LIMA1: variants seen among roughly 807,000 people sequenced by gnomAD.
The protein encoded by LIMA1 is LIM domain and actin-binding protein 1.
In LIMA1, 52 loss-of-function variants were observed where a neutral mutation model predicts 62.6. The ratio of observed to expected loss-of-function variants is 0.83; its 90% confidence interval spans 0.67 to 1.05. LIMA1 has a LOEUF of 1.05. LIMA1 is among the 50% of genes least tolerant of loss of function. LIMA1 has a pLI of 0.00. For missense variants in LIMA1, 780 were observed against 902.2 expected, an observed-to-expected ratio of 0.86 and a Z score of 1.74; for synonymous variants, 302 against 317.8, an observed-to-expected ratio of 0.95 and a Z score of 0.53.
chr12:50,189,967 C>G (rs1209323173), intron 9 of LIMA1: 3 of 151,064 alleles, frequency 2.0e-5, no homozygotes, highest in African/African-American at 7.3e-5. Flanking sequence ...GCCTTGGCCT[C>G]CCAAAGTGCT....
At chr12:50,256,738 G>T (rs994604900) in intron 1 of LIMA1, among the ~76,000 whole-genome samples, 5 of 152,140 alleles carry the variant, frequency 3.3e-5, no homozygotes, top group Non-Finnish European at 5.9e-5. Flanking sequence ...TGGAGAAGCG[G>T]TTGATTCCAG....
At chr12:50,183,540 G>A (rs1256199867) in intron 9 of LIMA1, among the ~76,000 whole-genome samples, 3 of 152,104 alleles carry the variant, frequency 2.0e-5, no homozygotes, top group Non-Finnish European at 2.9e-5. Context: ...TAGGCTGGGT[G>A]TAGTGTCTCA....
chr12:50,190,659 C>T (rs573942736), intron 9 of LIMA1, among the ~76,000 whole-genome samples: 2 of 131,120 alleles, frequency 1.5e-5, no homozygotes, highest in African/African-American at 2.9e-5. Context: ...GGATTACAGG[C>T]GTGAGCCACC....
intron 4 of LIMA1, among the ~76,000 whole-genome samples, chr12:50,214,024 CCA>C (rs10632810): frequency 3.4e-4 from 35 of 104,466 alleles, no homozygotes; most frequent in Non-Finnish European, 5.7e-4. Context: ...TATTATCTTA[CCA>C]CACACACACA....
chr12:50,183,975 T>G (rs561995356), intron 9 of LIMA1, among the ~76,000 whole-genome samples: 1 of 151,864 alleles, frequency 6.6e-6, no homozygotes, highest in East Asian at 1.9e-4. Flanking sequence ...AAAATGAAAA[T>G]AAAGAAATCT....
At position 50,254,009 on chromosome 12, in the gene LIMA1, C is replaced by T. The variant is rs1395903932; in HGVS notation, c.-23-5235G>A. On this transcript the variant is annotated intron_variant, in intron 1 of 10. Transcript: ENST00000341247. ...TGCCATTGCACTCCAGCCTGGGCGA[C>T]AGAGCGAGACTCTGTCTCAAAAAAA... 4.1e-5 allele frequency among the ~76,000 whole-genome samples: 5 copies of T among 122,070 alleles called. No homozygotes were observed. In the East Asian group the frequency reaches 1.2e-3, roughly 30 times the overall value. 80.1% of individuals were successfully genotyped at this position (122,070 alleles called of 152,430 possible).
intron 6 of LIMA1, chr12:50,204,313 C>G: frequency 2.5e-6 from 1 of 400,520 alleles, no homozygotes; most frequent in Non-Finnish European, 4.4e-6. Flanking sequence ...CAATGATACT[C>G]ACTGGTAACA....
At chr12:50,258,163 CTTTT>C (rs1942021465) in intron 1 of LIMA1, among the ~76,000 whole-genome samples, 2 of 152,148 alleles carry the variant, frequency 1.3e-5, no homozygotes, top group Non-Finnish European at 2.9e-5. Context: ...GCCCTGTTTT[CTTTT>C]ATGGGAGAAG....
In LIMA1 at chr12:50,241,933, A is replaced by ATT. The variant is rs577308413; in HGVS notation, c.119+6698_119+6699dup. Among the ~76,000 whole-genome samples, 185 of 36,426 alleles carry ATT rather than the reference A, an allele frequency of 5.1e-3. 34 individuals carry two copies. Among genetic ancestry groups the ATT allele is most frequent in the Non-Finnish European group, 7.0e-3 (142 of 20,238 alleles). 23.9% of individuals were successfully genotyped at this position (36,426 alleles called of 152,430 possible). On this transcript the variant is annotated intron_variant, in intron 2 of 10. Coordinates refer to ENST00000341247, the MANE Select transcript of LIMA1 (RefSeq NM_016357.5). ...AATTTTGTTCCTCTTTCCTTCCCAG[A>ATT]TTTTTTTTTTTTTTTTTTTTTTTTT...
chr12:50,214,987 G>C (rs184379699), intron 4 of LIMA1, among the ~76,000 whole-genome samples: 1 of 152,158 alleles, frequency 6.6e-6, no homozygotes, highest in Non-Finnish European at 1.5e-5. Context: ...AATAATTTCT[G>C]CAACAATCTG....
intron 10 of LIMA1, among the ~76,000 whole-genome samples, chr12:50,180,472 C>G (rs1052011020): frequency 6.6e-6 from 1 of 151,660 alleles, no homozygotes; most frequent in African/African-American, 2.4e-5. Flanking sequence ...GAGACTCCAT[C>G]TCAAAAAGAA....
rs1940804813 is a variant in LIMA1 at position 50,192,673 on chromosome 12, CA to C, written c.1031-113del. ...TTTCATTAATGACAGATCCTTCCAA[CA>C]CCAGGAAAAACACTGCTTTTCTGTT... On this transcript the variant is annotated intron_variant, in intron 8 of 10. Coordinates refer to ENST00000341247, the MANE Select transcript of LIMA1 (RefSeq NM_016357.5). 4.2e-6 allele frequency: 3 copies of C among 712,510 alleles called. No individual in the cohort carries two copies. In the African/African-American group the frequency reaches 5.3e-5, roughly 13 times the overall value. 44.1% of individuals were successfully genotyped at this position (712,510 alleles called of 1,614,324 possible).
intron 8 of LIMA1, among the ~76,000 whole-genome samples, chr12:50,193,570 GATATAT>G (rs67576611): frequency 1.7e-5 from 2 of 114,458 alleles, no homozygotes; most frequent in Non-Finnish European, 3.4e-5. Flanking sequence ...ATGTATATAT[GATATAT>G]ATATACATGT....
At chr12:50,283,059 G>A (rs942392037) in intron 1 of LIMA1, among the ~76,000 whole-genome samples, 7 of 152,030 alleles carry the variant, frequency 4.6e-5, no homozygotes, top group Non-Finnish European at 8.8e-5. Context: ...AAGAACAGTT[G>A]AATATTACAG....
chr12:50,230,981 T>A (rs1315187747), intron 3 of LIMA1, among the ~76,000 whole-genome samples: 1 of 152,226 alleles, frequency 6.6e-6, no homozygotes, highest in Non-Finnish European at 1.5e-5. Context: ...TATTATGCAC[T>A]AATTTAAATA....
In LIMA1 at chr12:50,200,814, C is replaced by G. The variant is rs772927024; in HGVS notation, c.935G>C (p.Gly312Ala). ...KMEQKENVPP[G>A]PEVCITHQEG... ...CTGATGGGTGATGCAGACCTCAGGACCTGGGGGCACATTCTCCTTTTGCTC... is the reference window on the plus strand; with the variant it reads ...CTGATGGGTGATGCAGACCTCAGGAGCTGGGGGCACATTCTCCTTTTGCTC... The change falls in exon 7 of 11, where the codon GGT (glycine) becomes GCT (alanine). Residue 312 changes from glycine to alanine, a missense_variant. Transcript: ENST00000341247. 1.8e-5 allele frequency: 29 copies of G among 1,614,054 alleles called. No individual in the cohort carries two copies. In the Middle Eastern group the frequency reaches 4.9e-4, roughly 27 times the overall value.
intron 7 of LIMA1, among the ~76,000 whole-genome samples, chr12:50,200,360 C>T (rs139851934): frequency 0.011 from 1,640 of 152,090 alleles, 32 homozygotes; most frequent in Middle Eastern, 0.027. Context: ...TGCACCCCCA[C>T]ACCCGGCTTT....
intron 1 of LIMA1, among the ~76,000 whole-genome samples, chr12:50,250,175 A>G (rs12423130): frequency 0.27 from 40,496 of 151,304 alleles, 6,105 homozygotes; most frequent in East Asian, 0.64. Context: ...GCGCATGCCT[A>G]TAATCCCAGC....
chr12:50,209,849 G>A (rs1284959543), intron 4 of LIMA1, among the ~76,000 whole-genome samples: 2 of 151,970 alleles, frequency 1.3e-5, no homozygotes, highest in African/African-American at 2.4e-5. Context: ...TTTTGGTAGA[G>A]TTGGGGTTTC....
Sources: gnomAD v4.1 joint callset for allele counts (sites outside exome capture counted in the v4.1 genomes callset) on GRCh38, gnomAD v4.1.1 for gene constraint, MANE v1.5 for transcripts, NCBI Gene and HGNC (gene_info 2026-07-23, HGNC 2026-07-21) for gene names.